EBF1: variants seen among roughly 807,000 people sequenced by gnomAD.
EBF1 encodes EBF transcription factor 1, also known as transcription factor COE1.
A neutral mutation model predicts 68.4 loss-of-function variants in EBF1; 10 were observed. The ratio of observed to expected loss-of-function variants is 0.15; its 90% CI spans 0.09 to 0.25. The LOEUF (loss-of-function observed/expected upper bound fraction) is 0.25. EBF1 is among the 10% of genes least tolerant of loss of function. The probability of loss-of-function intolerance (pLI) is 1.00; values close to 1 mark genes in which losing one functional copy is unlikely to be tolerated. For missense variants in EBF1, 509 were observed against 794.4 expected, an observed-to-expected ratio of 0.64 and a Z score of 4.32; for synonymous variants, 298 against 299.8, an observed-to-expected ratio of 0.99 and a Z score of 0.06.
chr5:158,885,820 C>A lies in EBF1; in HGVS notation c.555-45710G>T, dbSNP rs73300063. Among the ~76,000 whole-genome samples, 212 of 152,334 alleles carry A rather than the reference C, an allele frequency of 1.4e-3. 1 individual carries two copies. The highest frequency in any genetic ancestry group is 4.9e-3 in the African/African-American group (203 of 41,566). On this transcript the variant is annotated intron_variant, in intron 6 of 15. Transcript: ENST00000313708. ...AGGCTATGTCAACCATTATTCTCTG[C>A]CATGATGTTCTCTGTTGTTTTCAGT...
intron 10 of EBF1, among the ~76,000 whole-genome samples, chr5:158,774,272 C>G (rs1333980432): frequency 6.6e-6 from 1 of 152,078 alleles, no homozygotes; most frequent in African/African-American, 2.4e-5. Context: ...TGCAGGCAAT[C>G]TGTGCTTGGT....
chr5:159,040,548 C>A (rs1770988577), intron 6 of EBF1, among the ~76,000 whole-genome samples: 1 of 152,106 alleles, frequency 6.6e-6, no homozygotes, highest in East Asian at 1.9e-4. Context: ...TGTTGCCAGG[C>A]CTTGAGTCCT....
chr5:159,043,355 A>G (rs1411703801), intron 6 of EBF1, among the ~76,000 whole-genome samples: 1 of 152,222 alleles, frequency 6.6e-6, no homozygotes, highest in African/African-American at 2.4e-5. Context: ...TCTCCCTGGC[A>G]TATCATATCA....
intron 6 of EBF1, among the ~76,000 whole-genome samples, chr5:158,900,583 C>A (rs923002725): frequency 2.0e-5 from 3 of 152,352 alleles, no homozygotes; most frequent in Non-Finnish European, 4.4e-5. Flanking sequence ...CCCCTAACTA[C>A]TTCCTTGACT....
chr5:158,802,840 C>T (rs897123501), intron 8 of EBF1, among the ~76,000 whole-genome samples: 6 of 152,146 alleles, frequency 3.9e-5, no homozygotes, highest in East Asian at 1.9e-4. Flanking sequence ...ACATAGTATG[C>T]TAGTTGCTGC....
intron 10 of EBF1, among the ~76,000 whole-genome samples, chr5:158,769,533 G>C (rs547541228): frequency 3.3e-5 from 5 of 152,142 alleles, no homozygotes; most frequent in Admixed American, 3.3e-4. Flanking sequence ...CTTCAGATCA[G>C]CTTTATTCTT....
At chr5:158,804,195 C>T (rs1217062578) in intron 8 of EBF1, among the ~76,000 whole-genome samples, 1 of 151,700 alleles carries the variant, frequency 6.6e-6, no homozygotes, top group African/African-American at 2.4e-5. Context: ...AATTCACAGG[C>T]ACTATTTGGA....
intron 6 of EBF1, among the ~76,000 whole-genome samples, chr5:159,064,249 T>C (rs1776355112): frequency 6.6e-6 from 1 of 152,140 alleles, no homozygotes; most frequent in African/African-American, 2.4e-5. Context: ...GAAAGCTGGC[T>C]TGGTAAATAG....
intron 10 of EBF1, among the ~76,000 whole-genome samples, chr5:158,757,951 T>A (rs1362813390): frequency 6.6e-6 from 1 of 152,146 alleles, no homozygotes; most frequent in Non-Finnish European, 1.5e-5. Flanking sequence ...AATACACTTG[T>A]AAACCAAATG....
At chr5:158,952,793 T>C (rs1464353413) in intron 6 of EBF1, among the ~76,000 whole-genome samples, 1 of 152,204 alleles carries the variant, frequency 6.6e-6, no homozygotes, top group African/African-American at 2.4e-5. Flanking sequence ...ATTAATTCAA[T>C]TCAGATTAGA....
At chr5:158,909,087 G>T (rs1241908357) in intron 6 of EBF1, among the ~76,000 whole-genome samples, 1 of 151,136 alleles carries the variant, frequency 6.6e-6, no homozygotes, top group Non-Finnish European at 1.5e-5. Flanking sequence ...TAATATAACG[G>T]CACATGGGAA....
chr5:159,047,346 G>A (rs916491272), intron 6 of EBF1, among the ~76,000 whole-genome samples: 7 of 152,190 alleles, frequency 4.6e-5, no homozygotes, highest in East Asian at 1.9e-4. Context: ...ACAGAATGTC[G>A]TGATCAGCTT....
At chr5:158,708,277 C>G in intron 14 of EBF1, 104 bp from the exon 15 acceptor site, 1 of 1,189,158 alleles carries the variant, frequency 8.4e-7, no homozygotes, top group Non-Finnish European at 1.2e-6. Context: ...CTGCCCTGCT[C>G]AGACGATGCT....
chr5:159,028,414 G>A (rs1768120343), intron 6 of EBF1, among the ~76,000 whole-genome samples: 1 of 152,164 alleles, frequency 6.6e-6, no homozygotes, highest in South Asian at 2.1e-4. Context: ...ACTAGAGGAG[G>A]AGATTGCAGA....
intron 5 of EBF1, among the ~76,000 whole-genome samples, chr5:159,078,811 A>G (rs955080365): frequency 6.6e-6 from 1 of 152,194 alleles, no homozygotes; most frequent in African/African-American, 2.4e-5. Flanking sequence ...AATTCTGCAC[A>G]TCCAGAGAAA....
intron 6 of EBF1, among the ~76,000 whole-genome samples, chr5:159,030,100 A>AT (rs998717716): frequency 2.0e-4 from 30 of 150,970 alleles, no homozygotes; most frequent in Admixed American, 1.6e-3. Flanking sequence ...ACACAGAAAA[A>AT]ATATATATAT....
intron 6 of EBF1, among the ~76,000 whole-genome samples, chr5:159,046,817 T>C (rs1439700710): frequency 6.6e-6 from 1 of 152,246 alleles, no homozygotes; most frequent in South Asian, 2.1e-4. Flanking sequence ...GGCTCTGTAG[T>C]GTTTGCCAAT....
intron 5 of EBF1, among the ~76,000 whole-genome samples, chr5:159,075,556 T>G (rs2127952233): frequency 6.6e-6 from 1 of 152,164 alleles, no homozygotes; most frequent in East Asian, 1.9e-4. Flanking sequence ...GGGTCTGTTT[T>G]TAAAGCCTAT....
chr5:159,012,917 G>A (rs1290310493), intron 6 of EBF1, among the ~76,000 whole-genome samples: 1 of 152,148 alleles, frequency 6.6e-6, no homozygotes, highest in Non-Finnish European at 1.5e-5. Context: ...ACATGCCCAG[G>A]GGAAGACCAT....
Sources: gnomAD v4.1 joint callset for allele counts (sites outside exome capture counted in the v4.1 genomes callset) on GRCh38, gnomAD v4.1.1 for gene constraint, MANE v1.5 for transcripts, NCBI Gene and HGNC (gene_info 2026-07-23, HGNC 2026-07-21) for gene names.